PTPRN2: variants seen among roughly 807,000 people sequenced by gnomAD.
PTPRN2 encodes receptor-type tyrosine-protein phosphatase N2.
A neutral mutation model predicts 118.8 loss-of-function variants in PTPRN2; 74 were observed. That is an observed-to-expected ratio of 0.62 (90% CI 0.52 to 0.76). PTPRN2 has a LOEUF of 0.76. PTPRN2 is among the 30% of genes least tolerant of loss of function. PTPRN2 has a pLI of 0.00. For missense variants in PTPRN2, 1,481 were observed against 1,394.4 expected (o/e 1.06, Z -0.99); for synonymous variants, 641 against 608.0 (o/e 1.05, Z -0.80).
intron 3 of PTPRN2, among the ~76,000 whole-genome samples, chr7:158,238,407 C>T (rs1018988846): frequency 1.3e-5 from 2 of 152,160 alleles, no homozygotes; most frequent in South Asian, 2.1e-4. Context: ...AGACGCGGGG[C>T]ACAGGAAGGA....
intron 11 of PTPRN2, among the ~76,000 whole-genome samples, chr7:158,017,206 C>T (rs1248021412): frequency 2.0e-5 from 3 of 152,210 alleles, no homozygotes; most frequent in Admixed American, 1.3e-4. Flanking sequence ...ACAAGAGTGG[C>T]TCAAAATGAA....
chr7:157,878,002 C>T (rs1389913216), intron 12 of PTPRN2, among the ~76,000 whole-genome samples: 2 of 152,226 alleles, frequency 1.3e-5, no homozygotes, highest in African/African-American at 2.4e-5. Flanking sequence ...CAGTAGGAAG[C>T]GTTCTTGATG....
At chr7:158,560,965 TG>T (rs1342176344) in intron 1 of PTPRN2, among the ~76,000 whole-genome samples, 1 of 152,240 alleles carries the variant, frequency 6.6e-6, no homozygotes, top group Non-Finnish European at 1.5e-5. Context: ...ATCTGATTTT[TG>T]TAGTCCATGC....
intron 20 of PTPRN2, among the ~76,000 whole-genome samples, chr7:157,570,585 C>T (rs190242784): frequency 6.6e-6 from 1 of 152,262 alleles, no homozygotes; most frequent in East Asian, 1.9e-4. Flanking sequence ...AGAGACAGTA[C>T]TATTAGGTTG....
intron 6 of PTPRN2, among the ~76,000 whole-genome samples, chr7:158,143,775 A>G (rs753653360): frequency 6.6e-6 from 1 of 152,142 alleles, no homozygotes; most frequent in Non-Finnish European, 1.5e-5. Flanking sequence ...TGGTAGAACA[A>G]TTCACTTCCA....
intron 5 of PTPRN2, among the ~76,000 whole-genome samples, chr7:158,169,847 A>G (rs1286211388): frequency 6.6e-6 from 1 of 150,484 alleles, no homozygotes; most frequent in Non-Finnish European, 1.5e-5. Flanking sequence ...GCCCTTCACC[A>G]CGCCCTGCTA....
intron 17 of PTPRN2, 49 bp from the exon 18 acceptor site, chr7:157,578,189 CGT>C: frequency 6.4e-7 from 1 of 1,559,462 alleles, no homozygotes; most frequent in Non-Finnish European, 8.7e-7. Flanking sequence ...CTCATCACCG[CGT>C]GACATGTGTA....
intron 10 of PTPRN2, among the ~76,000 whole-genome samples, chr7:158,098,532 G>A (rs747528709): frequency 6.6e-6 from 1 of 152,198 alleles, no homozygotes; most frequent in Non-Finnish European, 1.5e-5. Context: ...CGACAGCGAA[G>A]GCGGTGGCCA....
rs1797601984 is a variant in PTPRN2 at position 157,903,723 on chromosome 7, G to C, written c.1724-4986C>G. ...ATTCTCGAGCTAATCTGAGACTGCA[G>C]TGTAAGTCAAAATCGAAGTCACAGA... is the stretch of plus-strand genomic sequence containing the variant. On this transcript the variant is annotated intron_variant, in intron 11 of 22. Coordinates refer to ENST00000389418, the MANE Select transcript of PTPRN2 (RefSeq NM_002847.5). This position sits in a 1 kb window ranked among gnomAD's most constrained non-coding sequence, Gnocchi z 4.2. Among the ~76,000 whole-genome samples, 1 of 151,858 alleles carries C rather than the reference G, an allele frequency of 6.6e-6. No homozygotes were observed. Among genetic ancestry groups the C allele is most frequent in the Admixed American group, 6.6e-5 (1 of 15,244 alleles).
chr7:158,389,389 T>A (rs138428799), intron 2 of PTPRN2, among the ~76,000 whole-genome samples: 1 of 152,232 alleles, frequency 6.6e-6, no homozygotes, highest in Non-Finnish European at 1.5e-5. Context: ...GAAATGCAAG[T>A]TCATTAGAAA....
chr7:157,855,488 C>T (rs1809642764), intron 12 of PTPRN2, among the ~76,000 whole-genome samples: 1 of 152,198 alleles, frequency 6.6e-6, no homozygotes, highest in African/African-American at 2.4e-5. Flanking sequence ...AGCTCAAGGC[C>T]AGCAGGGTCC....
intron 1 of PTPRN2, among the ~76,000 whole-genome samples, chr7:158,567,975 A>C (rs1827760775): frequency 6.6e-6 from 1 of 152,210 alleles, no homozygotes; most frequent in South Asian, 2.1e-4. Flanking sequence ...TCTTTTGCCC[A>C]GGTGCAGTGG....
At chr7:157,788,207 C>G (rs976452282) in intron 12 of PTPRN2, among the ~76,000 whole-genome samples, 1 of 152,042 alleles carries the variant, frequency 6.6e-6, no homozygotes, top group Admixed American at 6.5e-5. Flanking sequence ...AACTCCGTCT[C>G]TACTAAAAGT....
intron 12 of PTPRN2, among the ~76,000 whole-genome samples, chr7:157,855,228 G>T (rs1364071538): frequency 1.3e-5 from 2 of 151,692 alleles, no homozygotes; most frequent in Non-Finnish European, 2.9e-5. Context: ...CTGCACCATT[G>T]CAGGCGTGTG....
At chr7:158,159,573 C>CA (rs1197372096) in intron 6 of PTPRN2, among the ~76,000 whole-genome samples, 3 of 152,160 alleles carry the variant, frequency 2.0e-5, no homozygotes, top group Non-Finnish European at 4.4e-5. Flanking sequence ...AGGGTTCTAA[C>CA]AGGTTGGTTA....
chr7:157,873,637 C>T (rs1198502910), intron 12 of PTPRN2, among the ~76,000 whole-genome samples: 4 of 102,224 alleles, frequency 3.9e-5, no homozygotes, highest in African/African-American at 8.4e-5. Context: ...AGGTCTGTCT[C>T]GTCGTGGGGG....
intron 6 of PTPRN2, among the ~76,000 whole-genome samples, chr7:158,141,239 G>C (rs907605816): frequency 6.6e-6 from 1 of 152,238 alleles, no homozygotes; most frequent in Non-Finnish European, 1.5e-5. Context: ...AGAAATGTAG[G>C]CATTTTAGGT....
chr7:158,445,924 G>C (rs564948277), intron 2 of PTPRN2, among the ~76,000 whole-genome samples: 2 of 152,166 alleles, frequency 1.3e-5, no homozygotes, highest in Non-Finnish European at 2.9e-5. Context: ...AAACCCCGGC[G>C]CCCAGGTGAG....
At chr7:157,776,381 A>C (rs1037772074) in intron 12 of PTPRN2, among the ~76,000 whole-genome samples, 5,556 of 25,370 alleles carry the variant, frequency 0.22, no homozygotes, top group Middle Eastern at 0.25. Context: ...CTTCTTCCTC[A>C]CTCTCCTCCT....
Sources: gnomAD v4.1 joint callset for allele counts (sites outside exome capture counted in the v4.1 genomes callset) on GRCh38, gnomAD v4.1.1 for gene constraint, Gnocchi (gnomAD v3.1) non-coding constraint, MANE v1.5 for transcripts, NCBI Gene and HGNC (gene_info 2026-07-23, HGNC 2026-07-21) for gene names.